The following PTPRG variants were observed in gnomAD, a reference collection of about 807,000 sequenced individuals.
PTPRG encodes receptor-type tyrosine-protein phosphatase gamma.
Under a neutral mutation model 165.3 loss-of-function variants are expected in PTPRG, and 102 were observed. That is an observed-to-expected ratio of 0.62 (90% CI 0.53 to 0.73). The LOEUF is 0.73. PTPRG is among the 30% of genes least tolerant of loss of function. The probability of loss-of-function intolerance (pLI) is 0.00; values close to 1 mark genes in which losing one functional copy is unlikely to be tolerated. For synonymous variants in PTPRG, 675 were observed against 669.5 expected (o/e 1.01, Z -0.13); for missense variants, 1,866 against 1,861.4 (o/e 1.00, Z -0.05).
intron 1 of PTPRG, among the ~76,000 whole-genome samples, chr3:61,696,282 G>A (rs2030585752): frequency 6.6e-6 from 1 of 152,238 alleles, no homozygotes; most frequent in African/African-American, 2.4e-5. Context: ...TGCGTGGTTC[G>A]CCTGAGGCCA....
intron 2 of PTPRG, among the ~76,000 whole-genome samples, chr3:61,916,704 T>C (rs557279006): frequency 2.0e-4 from 30 of 152,220 alleles, no homozygotes; most frequent in South Asian, 6.2e-4. Context: ...TCAAAATCTA[T>C]TTTATCCTCA....
chr3:61,702,340 A>AATT (rs2031014314), intron 1 of PTPRG, among the ~76,000 whole-genome samples: 1 of 152,182 alleles, frequency 6.6e-6, no homozygotes, highest in Non-Finnish European at 1.5e-5. Context: ...CTTACCTTTT[A>AATT]AAATATTGAC....
chr3:61,872,609 A>AT (rs148887869), intron 2 of PTPRG, among the ~76,000 whole-genome samples: 2,008 of 150,346 alleles, frequency 0.013, 43 homozygotes, highest in African/African-American at 0.046. Context: ...ATTAATCACA[A>AT]TTTTTTTTTT....
At chr3:61,595,752 G>A (rs932361220) in intron 1 of PTPRG, among the ~76,000 whole-genome samples, 6 of 152,168 alleles carry the variant, frequency 3.9e-5, no homozygotes, top group Admixed American at 2.6e-4. Flanking sequence ...TTAGGTAACT[G>A]ATTCATATAG....
chr3:61,956,185 TGAG>T (rs1426014127), intron 2 of PTPRG, among the ~76,000 whole-genome samples: 4 of 152,062 alleles, frequency 2.6e-5, no homozygotes, highest in Non-Finnish European at 5.9e-5. Context: ...GAGAGGACCA[TGAG>T]AATTTATTTT....
At position 62,273,860 on chromosome 3, in the gene PTPRG, A is replaced by T. The variant is rs764473869; in HGVS notation, c.3465+16A>T. 2.5e-6 allele frequency: 4 copies of T among 1,610,950 alleles called. No individual in the cohort carries two copies. In the Admixed American group the frequency reaches 5.0e-5, roughly 20 times the overall value. ...GCAATTCAAGGTAGTGCTTTGAAAA[A>T]GTTTCTTTGGCATAAAGCAAGAAAA... is the stretch of plus-strand genomic sequence containing the variant. On this transcript the variant is annotated intron_variant, in intron 23 of 29. Coordinates refer to ENST00000474889, the MANE Select transcript of PTPRG (RefSeq NM_002841.4). This position sits in a 1 kb window ranked among gnomAD's most constrained non-coding sequence, Gnocchi z 4.1.
intron 4 of PTPRG, among the ~76,000 whole-genome samples, chr3:62,075,103 A>T (rs528319316): frequency 6.6e-6 from 1 of 152,322 alleles, no homozygotes; most frequent in South Asian, 2.1e-4. Context: ...TATTATCCAG[A>T]TGGGTGGAGC....
At chr3:62,042,657 C>A (rs893837590) in intron 4 of PTPRG, among the ~76,000 whole-genome samples, 5 of 152,274 alleles carry the variant, frequency 3.3e-5, no homozygotes, top group East Asian at 1.9e-4. Context: ...AACCTCCACT[C>A]CAGTTCCTCT....
At chr3:61,695,071 C>T (rs1448771719) in intron 1 of PTPRG, among the ~76,000 whole-genome samples, 2 of 151,474 alleles carry the variant, frequency 1.3e-5, no homozygotes, top group East Asian at 1.9e-4. Context: ...AGTGCAATGG[C>T]GCGATAGTGG....
At chr3:62,112,368 T>C (rs1363073810) in intron 5 of PTPRG, among the ~76,000 whole-genome samples, 1 of 152,206 alleles carries the variant, frequency 6.6e-6, no homozygotes, top group African/African-American at 2.4e-5. Context: ...CCTCCCAAAG[T>C]GCTGGGATTA....
intron 1 of PTPRG, among the ~76,000 whole-genome samples, chr3:61,628,220 A>T (rs1024850704): frequency 3.3e-5 from 5 of 152,170 alleles, no homozygotes; most frequent in Admixed American, 3.3e-4. Context: ...CTTTTGTTTA[A>T]CTTGAACATA....
At chr3:61,792,389 A>G (rs1376875248) in intron 2 of PTPRG, among the ~76,000 whole-genome samples, 4 of 151,890 alleles carry the variant, frequency 2.6e-5, no homozygotes, top group Non-Finnish European at 5.9e-5. Flanking sequence ...ATGCCCAGCT[A>G]ATATTTTTAA....
At chr3:61,627,098 A>T (rs1479438503) in intron 1 of PTPRG, among the ~76,000 whole-genome samples, 1 of 44,908 alleles carries the variant, frequency 2.2e-5, no homozygotes, top group Non-Finnish European at 4.4e-5. Context: ...CAATGTTAAA[A>T]GCAAATTTTT....
chr3:61,885,500 T>C (rs1263819215), intron 2 of PTPRG, among the ~76,000 whole-genome samples: 3 of 151,468 alleles, frequency 2.0e-5, no homozygotes, highest in Non-Finnish European at 4.4e-5. Context: ...TTCGTTGTTA[T>C]CCTCTCACAT....
intron 28 of PTPRG, among the ~76,000 whole-genome samples, chr3:62,290,535 C>T (rs1702844579): frequency 6.6e-6 from 1 of 152,042 alleles, no homozygotes; most frequent in African/African-American, 2.4e-5. Context: ...GATATCAAGA[C>T]TTATTAAGGA....
At chr3:62,102,228 G>A (rs780981040) in intron 5 of PTPRG, among the ~76,000 whole-genome samples, 2 of 151,996 alleles carry the variant, frequency 1.3e-5, no homozygotes. Flanking sequence ...AACTGTTGCC[G>A]TGTTTGGACA....
intron 2 of PTPRG, among the ~76,000 whole-genome samples, chr3:61,975,738 A>C (rs776676829): frequency 6.6e-6 from 1 of 151,912 alleles, no homozygotes; most frequent in African/African-American, 2.4e-5. Context: ...TCACAGTTGC[A>C]TGTGTTTCTC....
chr3:61,984,138 C>T (rs2040703794), intron 2 of PTPRG, among the ~76,000 whole-genome samples: 1 of 152,084 alleles, frequency 6.6e-6, no homozygotes, highest in Non-Finnish European at 1.5e-5. Context: ...AATATGTCTT[C>T]CTGATGCTAG....
chr3:62,286,397 A>G (rs1050548701), intron 28 of PTPRG, among the ~76,000 whole-genome samples: 1 of 152,152 alleles, frequency 6.6e-6, no homozygotes, highest in African/African-American at 2.4e-5. Flanking sequence ...TGTCAGGGTT[A>G]TAACTCTGGA....
Sources: gnomAD v4.1 joint callset for allele counts (sites outside exome capture counted in the v4.1 genomes callset) on GRCh38, gnomAD v4.1.1 for gene constraint, Gnocchi (gnomAD v3.1) non-coding constraint, MANE v1.5 for transcripts, NCBI Gene and HGNC (gene_info 2026-07-23, HGNC 2026-07-21) for gene names.